Variants in ADAMTS19 observed in about 807,000 individuals in gnomAD.
The protein encoded by ADAMTS19 is A disintegrin and metalloproteinase with thrombospondin motifs 19.
ADAMTS19 carries 93 observed loss-of-function variants against 153.3 expected under a neutral mutation model. The ratio of observed to expected loss-of-function variants is 0.61; its 90% CI spans 0.51 to 0.72. The LOEUF is 0.72. Ranked by LOEUF, ADAMTS19 falls within the 30% of genes least tolerant of loss-of-function variation. The pLI is 0.00. For synonymous variants in ADAMTS19, 600 were observed against 556.6 expected (o/e 1.08, Z -1.10); for missense variants, 1,482 against 1,552.1 (o/e 0.95, Z 0.76).
intron 2 of ADAMTS19, among the ~76,000 whole-genome samples, chr5:129,482,670 A>G (rs2126673416): frequency 6.6e-6 from 1 of 152,322 alleles, no homozygotes; most frequent in South Asian, 2.1e-4. Flanking sequence ...ATATCACAAC[A>G]GAACTTATAA....
chr5:129,632,106 C>G (rs1189508404), intron 10 of ADAMTS19, among the ~76,000 whole-genome samples: 2 of 152,008 alleles, frequency 1.3e-5, no homozygotes, highest in Non-Finnish European at 2.9e-5. Flanking sequence ...TGTTGCAACT[C>G]AAATCTGCTG....
chr5:129,663,493 G>C lies in ADAMTS19; in HGVS notation c.2426-2006G>C, dbSNP rs190773882. On this transcript the variant is annotated intron_variant, in intron 15 of 22. Transcript: ENST00000274487. ...ACCAAAACTAGATGATTTCTCTCTT[G>C]ACTTCCATGTTCCTGTAAATGATGC... Among the ~76,000 whole-genome samples the C allele has an allele frequency of 7.4e-3, 1,134 of 152,238 alleles. 5 individuals carry two copies. The highest frequency in any genetic ancestry group is 0.011 in the Non-Finnish European group (760 of 68,022).
chr5:129,553,328 G>C (rs956149245), intron 7 of ADAMTS19, among the ~76,000 whole-genome samples: 2 of 152,054 alleles, frequency 1.3e-5, no homozygotes, highest in African/African-American at 4.8e-5. Flanking sequence ...ACCAATTTCT[G>C]TTTTGATGAC....
At chr5:129,551,122 A>G (rs992263605) in intron 6 of ADAMTS19, among the ~76,000 whole-genome samples, 4 of 151,666 alleles carry the variant, frequency 2.6e-5, no homozygotes, top group Non-Finnish European at 5.9e-5. Flanking sequence ...GAGGTGACAG[A>G]GGAACAAGGT....
chr5:129,528,420 C>G (rs992001077), intron 5 of ADAMTS19, 100 bp from the exon 6 acceptor site: 2 of 937,354 alleles, frequency 2.1e-6, no homozygotes, highest in African/African-American at 3.5e-5. Context: ...CAGCAGTTTG[C>G]TTTAGTAATT....
At chr5:129,705,146 AC>A (rs1756084980) in intron 21 of ADAMTS19, among the ~76,000 whole-genome samples, 1 of 30,472 alleles carries the variant, frequency 3.3e-5, no homozygotes, top group Admixed American at 4.1e-4. Flanking sequence ...GATATTATAT[AC>A]TGACTATCAT....
chr5:129,584,600 C>G (rs4836464), intron 7 of ADAMTS19, among the ~76,000 whole-genome samples: 127,157 of 152,176 alleles, frequency 0.84, 53,373 homozygotes, highest in Non-Finnish European at 0.88. Flanking sequence ...TGCCTAGAGA[C>G]GAGGAATCTA....
intron 13 of ADAMTS19, 66 bp downstream of exon 13, chr5:129,649,036 A>C: frequency 7.1e-7 from 1 of 1,417,500 alleles, no homozygotes; most frequent in Non-Finnish European, 9.6e-7. Flanking sequence ...GTGTTTTTAC[A>C]ATAGTCAGAT....
In ADAMTS19 at chr5:129,460,494, C is replaced by G. The variant is rs1056747817; in HGVS notation, c.91+12C>G. ...TGGGATCGTTTCAGGTAAGTTCTTC[C>G]GTGACTTTCTCGCTTCCTTTCCAGC... On this transcript the variant is annotated intron_variant, in intron 1 of 22. Transcript: ENST00000274487. 6 of 1,613,938 alleles carry G rather than the reference C, an allele frequency of 3.7e-6. No individual in the cohort carries two copies. The highest frequency in any genetic ancestry group is 1.6e-4 in the Middle Eastern group (1 of 6,084).
chr5:129,624,336 A>C (rs1751927289), intron 10 of ADAMTS19, among the ~76,000 whole-genome samples: 1 of 151,732 alleles, frequency 6.6e-6, no homozygotes, highest in Non-Finnish European at 1.5e-5. Context: ...ACTAACCTCC[A>C]CTCTGCTTTC....
intron 11 of ADAMTS19, among the ~76,000 whole-genome samples, chr5:129,645,808 A>C (rs1753033074): frequency 6.6e-6 from 1 of 151,958 alleles, no homozygotes. Context: ...TTTTTCCATG[A>C]ATGGCATAAC....
intron 16 of ADAMTS19, among the ~76,000 whole-genome samples, chr5:129,677,722 T>C (rs776363299): frequency 6.6e-6 from 1 of 152,156 alleles, no homozygotes; most frequent in Non-Finnish European, 1.5e-5. Flanking sequence ...TGGGCTACCA[T>C]GTTAGTGTTA....
intron 7 of ADAMTS19, among the ~76,000 whole-genome samples, chr5:129,556,981 A>G (rs1753336299): frequency 6.6e-6 from 1 of 152,198 alleles, no homozygotes; most frequent in Non-Finnish European, 1.5e-5. Flanking sequence ...ACAAGCAGCC[A>G]TGGAAAACCA....
At chr5:129,730,944 TTTTG>T (rs1757417752) in intron 21 of ADAMTS19, among the ~76,000 whole-genome samples, 1 of 149,022 alleles carries the variant, frequency 6.7e-6, no homozygotes, top group African/African-American at 2.5e-5. Context: ...TTTTGTTTTG[TTTTG>T]TTTTGTTTTG....
At chr5:129,592,470 C>T (rs1044174908) in intron 7 of ADAMTS19, among the ~76,000 whole-genome samples, 1 of 150,202 alleles carries the variant, frequency 6.7e-6, no homozygotes, top group East Asian at 2.0e-4. Flanking sequence ...CCCTTTTAAA[C>T]TCATCTCTTA....
At chr5:129,712,344 A>G (rs1205293664) in intron 21 of ADAMTS19, among the ~76,000 whole-genome samples, 1 of 152,152 alleles carries the variant, frequency 6.6e-6, no homozygotes, top group Non-Finnish European at 1.5e-5. Flanking sequence ...AGATATCCTA[A>G]AAAAGAAACA....
chr5:129,605,878 T>C (rs1301106695), intron 8 of ADAMTS19, among the ~76,000 whole-genome samples: 2 of 152,152 alleles, frequency 1.3e-5, no homozygotes, highest in Admixed American at 1.3e-4. Flanking sequence ...TGGGTAAAAT[T>C]ATATGAGTTA....
rs1561632044 is a variant in ADAMTS19 at position 129,658,305 on chromosome 5, AAGAAAAAGAAAGAAAGAAAG to A, written c.2305-310_2305-291del. On this transcript the variant is annotated intron_variant, in intron 14 of 22. Coordinates refer to ENST00000274487, the MANE Select transcript of ADAMTS19 (RefSeq NM_133638.6). ...CATCTGAAAGAAAAAGAAAGAAAGA[AAGAAAAAGAAAGAAAGAAAG>A]AAAGAAAGAAAGAAAGAAAGAAAGA... 3.1e-4 allele frequency among the ~76,000 whole-genome samples: 32 copies of A among 104,890 alleles called. 1 individual carries two copies. Among genetic ancestry groups the A allele is most frequent in the African/African-American group, 1.1e-3 (25 of 23,070 alleles). The allele number at this position is 104,890 out of a possible 152,430, so 68.8% of individuals were successfully genotyped here. A position where few individuals can be genotyped will look rare whatever the true frequency, so the allele number is the denominator to read the frequency against.
intron 21 of ADAMTS19, among the ~76,000 whole-genome samples, chr5:129,717,402 A>G (rs1756781286): frequency 6.6e-6 from 1 of 152,158 alleles, no homozygotes; most frequent in Non-Finnish European, 1.5e-5. Flanking sequence ...GATTTCATAT[A>G]TTTTACAACA....
Sources: gnomAD v4.1 joint callset for allele counts (sites outside exome capture counted in the v4.1 genomes callset) on GRCh38, gnomAD v4.1.1 for gene constraint, MANE v1.5 for transcripts, NCBI Gene and HGNC (gene_info 2026-07-23, HGNC 2026-07-21) for gene names.